The following ARHGAP22 variants were observed in gnomAD, a reference collection of about 807,000 sequenced individuals.
ARHGAP22 encodes Rho GTPase activating protein 22, also known as rho GTPase-activating protein 22.
A neutral mutation model predicts 59.1 loss-of-function variants in ARHGAP22; 48 were observed. The ratio of observed to expected loss-of-function variants is 0.81; its 90% CI spans 0.64 to 1.03. The LOEUF is 1.03. Among genes scored for constraint, ARHGAP22 ranks in the 50% least tolerant of loss-of-function variants. The pLI is 0.00. For missense variants in ARHGAP22, 1,015 were observed against 958.7 expected, an observed-to-expected ratio of 1.06 and a Z score of -0.78; for synonymous variants, 445 against 416.4, an observed-to-expected ratio of 1.07 and a Z score of -0.84.
chr10:48,451,390 G>T, intron 8 of ARHGAP22: 1 of 710,674 alleles, frequency 1.4e-6, no homozygotes. Flanking sequence ...GAAGCACTGT[G>T]CCTGCGCTCA....
chr10:48,650,266 G>A (rs1230924170), intron 1 of ARHGAP22, among the ~76,000 whole-genome samples: 1 of 146,106 alleles, frequency 6.8e-6, no homozygotes, highest in African/African-American at 2.5e-5. Flanking sequence ...AGTCTCAAAA[G>A]GAATGAATGT....
At chr10:48,443,791 A>T (rs944112378), downstream of ARHGAP22, 2 of 152,180 alleles carry the variant, frequency 1.3e-5, no homozygotes, top group African/African-American at 4.8e-5. Flanking sequence ...CAGGAATAAG[A>T]TTCATTCCTG....
intron 9 of ARHGAP22, among the ~76,000 whole-genome samples, chr10:48,449,568 G>A (rs906967592): frequency 1.3e-5 from 2 of 152,248 alleles, no homozygotes; most frequent in Non-Finnish European, 2.9e-5. Flanking sequence ...AGGTCGGCCA[G>A]CTAACGGGGA....
chr10:48,619,244 A>G (rs1328202636), intron 1 of ARHGAP22, among the ~76,000 whole-genome samples: 3 of 152,190 alleles, frequency 2.0e-5, no homozygotes, highest in Non-Finnish European at 2.9e-5. Context: ...TGAAATAATT[A>G]ATATTGTGAA....
intron 5 of ARHGAP22, among the ~76,000 whole-genome samples, chr10:48,457,945 C>T (rs1173450046): frequency 6.9e-5 from 1 of 14,406 alleles, no homozygotes; most frequent in Non-Finnish European, 1.3e-4. Flanking sequence ...GAGGGGGGAC[C>T]TTCTGTTGGG....
At chr10:48,562,264 G>T (rs918592271) in intron 2 of ARHGAP22, among the ~76,000 whole-genome samples, 1 of 128,602 alleles carries the variant, frequency 7.8e-6, no homozygotes, top group African/African-American at 3.1e-5. Flanking sequence ...ACACACCTGG[G>T]ATACGACCCA....
chr10:48,491,701 C>T (rs1204783168), intron 3 of ARHGAP22, among the ~76,000 whole-genome samples: 2 of 152,224 alleles, frequency 1.3e-5, no homozygotes, highest in African/African-American at 2.4e-5. Flanking sequence ...TCGCGTAAGG[C>T]GGGCATGACA....
downstream of ARHGAP22, chr10:48,444,430 A>G (rs141259406): frequency 6.6e-6 from 1 of 152,368 alleles, no homozygotes; most frequent in African/African-American, 2.4e-5. Flanking sequence ...GGAGAACAGA[A>G]CTGAATAATC....
At chr10:48,511,136 A>T (rs1382755019) in intron 3 of ARHGAP22, among the ~76,000 whole-genome samples, 1 of 152,188 alleles carries the variant, frequency 6.6e-6, no homozygotes, top group Non-Finnish European at 1.5e-5. Flanking sequence ...GACCTCACCA[A>T]GTTAGAAGGT....
At chr10:48,556,545 C>G (rs2057322784) in intron 2 of ARHGAP22, 1 of 152,226 alleles carries the variant, frequency 6.6e-6, no homozygotes, top group Non-Finnish European at 1.5e-5. Flanking sequence ...ATTTTGAACT[C>G]CATCCCTGCA....
Position 48,462,673 on chromosome 10 carries a change from G to A in ARHGAP22, c.452-2782C>T, listed in dbSNP as rs1470248255. On this transcript the variant is annotated intron_variant, in intron 4 of 9. Coordinates refer to ENST00000249601, the MANE Select transcript of ARHGAP22 (RefSeq NM_021226.4). ...TGTGAACAGACAACAGGCAGAGGTT[G>A]CAATACTAACACGAAGGGAAAGCTG... Among the ~76,000 whole-genome samples the A allele has an allele frequency of 2.6e-5, 4 of 152,220 alleles. No homozygotes were observed. The East Asian group carries it at 7.7e-4, about 29-fold the overall frequency.
upstream of ARHGAP22, among the ~76,000 whole-genome samples, chr10:48,654,705 GGA>G (rs2062689381): frequency 6.6e-6 from 1 of 151,992 alleles, no homozygotes; most frequent in Non-Finnish European, 1.5e-5. Flanking sequence ...CTGTATGAGA[GGA>G]GAGAGAGGGA....
intron 3 of ARHGAP22, among the ~76,000 whole-genome samples, chr10:48,541,426 G>A (rs576051131): frequency 6.6e-6 from 1 of 152,292 alleles, no homozygotes; most frequent in Admixed American, 6.5e-5. Flanking sequence ...AGGGACTTCT[G>A]TGCACATCCT....
intron 2 of ARHGAP22, among the ~76,000 whole-genome samples, chr10:48,562,315 T>C (rs1236326790): frequency 6.6e-6 from 1 of 151,916 alleles, no homozygotes; most frequent in East Asian, 1.9e-4. Context: ...AATGGAAGCA[T>C]ATTTCCCTAC....
upstream of ARHGAP22, among the ~76,000 whole-genome samples, chr10:48,609,310 T>G (rs1189589871): frequency 6.6e-6 from 1 of 152,200 alleles, no homozygotes; most frequent in Admixed American, 6.5e-5. Context: ...TGCAGTTAGG[T>G]GTGACTGCAT....
At chr10:48,606,473 G>A (rs1264048094), upstream of ARHGAP22, among the ~76,000 whole-genome samples, 1 of 152,166 alleles carries the variant, frequency 6.6e-6, no homozygotes, top group Non-Finnish European at 1.5e-5. Context: ...CTCCTCAGAG[G>A]GATGAATGAG....
chr10:48,458,346 C>A (rs567939785), intron 5 of ARHGAP22, among the ~76,000 whole-genome samples: 1 of 152,132 alleles, frequency 6.6e-6, no homozygotes, highest in Admixed American at 6.5e-5. Context: ...GGGTGCCCAG[C>A]TGCCTCTCAA....
At chr10:48,461,673 C>A (rs985419391) in intron 4 of ARHGAP22, among the ~76,000 whole-genome samples, 1 of 152,214 alleles carries the variant, frequency 6.6e-6, no homozygotes, top group Non-Finnish European at 1.5e-5. Flanking sequence ...TACACCACGG[C>A]ACAGTAACTG....
chr10:48,459,977 A>G, intron 4 of ARHGAP22, 86 bp from the exon 5 acceptor site: 1 of 1,360,788 alleles, frequency 7.3e-7, no homozygotes, highest in Non-Finnish European at 1.0e-6. Flanking sequence ...GCGCACTGTT[A>G]GGGCTAAAGG....
Sources: allele counts gnomAD v4.1 joint callset (sites outside exome capture counted in the v4.1 genomes callset), GRCh38; gene constraint gnomAD v4.1.1; transcripts MANE v1.5; gene names NCBI Gene and HGNC (gene_info 2026-07-23, HGNC 2026-07-21).